Variants in NPLOC4 observed in about 807,000 individuals in gnomAD.
The protein encoded by NPLOC4 is nuclear protein localization protein 4 homolog.
A neutral mutation model predicts 80.6 loss-of-function variants in NPLOC4; 18 were observed. The observed-to-expected ratio is 0.22, with a 90% confidence interval of 0.15 to 0.33. The LOEUF (loss-of-function observed/expected upper bound fraction) is 0.33, where lower values mean the gene tolerates loss of function less well. NPLOC4 is among the 10% of genes least tolerant of loss of function. NPLOC4 has a pLI of 1.00. For missense variants in NPLOC4, 540 were observed against 786.1 expected, an observed-to-expected ratio of 0.69 and a Z score of 3.74; for synonymous variants, 313 against 301.5, an observed-to-expected ratio of 1.04 and a Z score of -0.39.
chr17:81,616,101 G>A (rs1288749480), intron 3 of NPLOC4, among the ~76,000 whole-genome samples: 1 of 151,788 alleles, frequency 6.6e-6, no homozygotes, highest in Non-Finnish European at 1.5e-5. Context: ...GGAGGATCAC[G>A]AGGTCAAGAG....
rs552951398 is a variant in NPLOC4 at position 81,622,201 on chromosome 17, G to C, written c.174C>G (p.Ala58=). Residue 58 remains alanine (A), a synonymous_variant, in exon 3 of 17, where the codon GCC becomes GCG. Transcript: ENST00000331134. ...GCAAGTTGAGGGATTTGTTGGAGGA[G>C]GCTGTTATCTCTCCGGTCTTGTTTC... ...INRNKTGEIT[A]SSNKSLNLLK... 1 of 1,613,682 alleles carries C rather than the reference G, an allele frequency of 6.2e-7. No homozygotes were observed. The highest frequency in any genetic ancestry group is 8.5e-7 in the Non-Finnish European group (1 of 1,179,620).
intron 11 of NPLOC4, among the ~76,000 whole-genome samples, chr17:81,591,445 C>CAAAAA (rs2034736663): frequency 1.9e-4 from 2 of 10,712 alleles, no homozygotes; most frequent in South Asian, 3.4e-3. Flanking sequence ...TGGAGTAAAA[C>CAAAAA]AGAAAAAAAA....
chr17:81,606,329 C>G (rs1376607365), intron 7 of NPLOC4, among the ~76,000 whole-genome samples: 4 of 152,122 alleles, frequency 2.6e-5, no homozygotes, highest in Non-Finnish European at 2.9e-5. Flanking sequence ...GAGCCACATT[C>G]TCTCCTTAAG....
chr17:81,569,545 T>C (rs2034102815), intron 13 of NPLOC4, among the ~76,000 whole-genome samples: 1 of 152,214 alleles, frequency 6.6e-6, no homozygotes, highest in Admixed American at 6.5e-5. Context: ...GAGAGATTCG[T>C]GTCATTGGAT....
chr17:81,575,987 G>C (rs899474281), intron 12 of NPLOC4, among the ~76,000 whole-genome samples: 4 of 148,990 alleles, frequency 2.7e-5, no homozygotes, highest in Non-Finnish European at 5.9e-5. Flanking sequence ...GCTGGGTCTT[G>C]TGCCAGCAAA....
chr17:81,614,122 A>G (rs1055019736), intron 3 of NPLOC4, among the ~76,000 whole-genome samples: 1 of 151,744 alleles, frequency 6.6e-6, no homozygotes, highest in African/African-American at 2.4e-5. Flanking sequence ...TAAAAATACA[A>G]AAAGACTAGC....
At chr17:81,613,700 A>C (rs62074680) in intron 3 of NPLOC4, among the ~76,000 whole-genome samples, 13,723 of 152,136 alleles carry the variant, frequency 0.09, 896 homozygotes, top group Admixed American at 0.21. Context: ...GTTCTCTGTA[A>C]TTTAATCTCT....
At chr17:81,578,321 T>C (rs1226997731) in intron 12 of NPLOC4, among the ~76,000 whole-genome samples, 4 of 152,170 alleles carry the variant, frequency 2.6e-5, no homozygotes, top group Non-Finnish European at 5.9e-5. Flanking sequence ...GTCTCAGCAC[T>C]GTGAATGGCC....
chr17:81,617,056 G>T (rs1041753202), intron 3 of NPLOC4, among the ~76,000 whole-genome samples: 7 of 152,244 alleles, frequency 4.6e-5, no homozygotes, highest in African/African-American at 1.7e-4. Context: ...GGATACAAGT[G>T]GGGGCAGACA....
intron 9 of NPLOC4, among the ~76,000 whole-genome samples, chr17:81,598,368 G>A (rs1208128181): frequency 6.6e-6 from 1 of 152,148 alleles, no homozygotes; most frequent in Non-Finnish European, 1.5e-5. Context: ...AGACACAGCA[G>A]TGAGTGAGAC....
intron 2 of NPLOC4, among the ~76,000 whole-genome samples, chr17:81,628,085 G>A (rs914719612): frequency 2.0e-4 from 30 of 147,284 alleles, no homozygotes; most frequent in Middle Eastern, 3.9e-3. Flanking sequence ...GGTGGTGGGC[G>A]CCTGTAGTCC....
intron 1 of NPLOC4, chr17:81,636,614 G>A (rs1002581238): frequency 3.4e-6 from 1 of 296,798 alleles, no homozygotes; most frequent in Non-Finnish European, 6.2e-6. Flanking sequence ...GGAAACGGGT[G>A]GGGAAGGAGG....
intron 3 of NPLOC4, among the ~76,000 whole-genome samples, chr17:81,618,680 G>T (rs1416275524): frequency 2.6e-5 from 4 of 151,550 alleles, no homozygotes; most frequent in African/African-American, 9.7e-5. Context: ...CCCTCTGCCC[G>T]GCCACCACCC....
intron 1 of NPLOC4, among the ~76,000 whole-genome samples, chr17:81,631,334 T>C (rs1298390967): frequency 1.3e-5 from 2 of 149,890 alleles, no homozygotes; most frequent in African/African-American, 4.9e-5. Flanking sequence ...CTCTTTAGCC[T>C]AGGAATTCGA....
At chr17:81,634,825 C>T (rs1297027873) in intron 1 of NPLOC4, among the ~76,000 whole-genome samples, 2 of 151,818 alleles carry the variant, frequency 1.3e-5, no homozygotes, top group Admixed American at 6.6e-5. Flanking sequence ...CCTCGTGATC[C>T]GCCCACCTCG....
chr17:81,584,933 G>A (rs573431808), intron 12 of NPLOC4, among the ~76,000 whole-genome samples: 4 of 151,998 alleles, frequency 2.6e-5, no homozygotes, highest in South Asian at 2.1e-4. Context: ...TTGGGAGGCC[G>A]AGGTGGGCAG....
intron 3 of NPLOC4, among the ~76,000 whole-genome samples, chr17:81,621,948 G>C (rs2035680065): frequency 6.6e-6 from 1 of 152,210 alleles, no homozygotes; most frequent in Non-Finnish European, 1.5e-5. Context: ...ACAAATTCCA[G>C]AATTCTGCAA....
chr17:81,615,721 C>T (rs1276122934), intron 3 of NPLOC4, among the ~76,000 whole-genome samples: 1 of 152,108 alleles, frequency 6.6e-6, no homozygotes, highest in East Asian at 1.9e-4. Context: ...CAGCTGAGTC[C>T]GAAACTTCCA....
intron 3 of NPLOC4, among the ~76,000 whole-genome samples, chr17:81,620,904 T>C (rs1313294038): frequency 6.6e-6 from 1 of 152,006 alleles, no homozygotes; most frequent in Non-Finnish European, 1.5e-5. Context: ...GTGCCTGTAG[T>C]CCCAGCTACT....
Sources: allele counts gnomAD v4.1 joint callset (sites outside exome capture counted in the v4.1 genomes callset), GRCh38; gene constraint gnomAD v4.1.1; transcripts MANE v1.5; gene names NCBI Gene and HGNC (gene_info 2026-07-23, HGNC 2026-07-21).